Variants in PTK2B observed in about 807,000 individuals in gnomAD.
PTK2B encodes the protein protein tyrosine kinase 2 beta.
PTK2B carries 71 observed loss-of-function variants against 142.9 expected under a neutral mutation model. The ratio of observed to expected loss-of-function variants is 0.50; its 90% CI spans 0.41 to 0.61. The LOEUF (loss-of-function observed/expected upper bound fraction) is 0.61, where lower values mean the gene tolerates loss of function less well. Among genes scored for constraint, PTK2B ranks in the 20% least tolerant of loss-of-function variants. The pLI is 0.00. For synonymous variants in PTK2B, 519 were observed against 503.4 expected (o/e 1.03, Z -0.42); for missense variants, 1,105 against 1,320.4 (o/e 0.84, Z 2.53).
At chr8:27,390,083 A>G (rs1807621125) in intron 1 of PTK2B, among the ~76,000 whole-genome samples, 1 of 152,200 alleles carries the variant, frequency 6.6e-6, no homozygotes, top group Non-Finnish European at 1.5e-5. Flanking sequence ...GACTTCTGCT[A>G]GATCCAAAGG....
At chr8:27,445,195 C>T (rs1811389437) in intron 23 of PTK2B, among the ~76,000 whole-genome samples, 1 of 151,794 alleles carries the variant, frequency 6.6e-6, no homozygotes, top group African/African-American at 2.4e-5. Context: ...TATAGTGAGA[C>T]CCCATCTCTA....
intron 1 of PTK2B, among the ~76,000 whole-genome samples, chr8:27,381,559 A>G (rs773153606): frequency 3.3e-5 from 5 of 152,202 alleles, no homozygotes. Context: ...GTTGATGGGC[A>G]CTTCGGTTGA....
At chr8:27,311,835 G>A (rs553334732) in intron 1 of PTK2B, 1 of 152,350 alleles carries the variant, frequency 6.6e-6, no homozygotes, top group Admixed American at 6.5e-5. Context: ...ACAAGAGAGG[G>A]GTGGCGGCAG....
chr8:27,414,412 T>A (rs574454134), intron 2 of PTK2B, among the ~76,000 whole-genome samples: 1 of 152,130 alleles, frequency 6.6e-6, no homozygotes, highest in Admixed American at 6.5e-5. Context: ...ACCCGGCTAA[T>A]TTTTTTGTAT....
chr8:27,428,409 C>T (rs761940691), intron 5 of PTK2B, among the ~76,000 whole-genome samples: 1 of 152,226 alleles, frequency 6.6e-6, no homozygotes, highest in Non-Finnish European at 1.5e-5. Flanking sequence ...CAATACCGCA[C>T]ATCTGCCCTT....
At chr8:27,341,835 A>G (rs1171740174) in intron 1 of PTK2B, among the ~76,000 whole-genome samples, 1 of 151,908 alleles carries the variant, frequency 6.6e-6, no homozygotes, top group Non-Finnish European at 1.5e-5. Flanking sequence ...CATCACACTC[A>G]GCTAATTTTA....
At chr8:27,453,859 A>G (rs1879185) in intron 28 of PTK2B, among the ~76,000 whole-genome samples, 130,054 of 152,144 alleles carry the variant, frequency 0.85, 55,969 homozygotes, top group Middle Eastern at 0.94. Context: ...GGGCAACAGA[A>G]TGAGATCCTG....
intron 15 of PTK2B, among the ~76,000 whole-genome samples, chr8:27,436,745 G>A (rs1810803698): frequency 6.6e-6 from 1 of 152,160 alleles, no homozygotes; most frequent in Non-Finnish European, 1.5e-5. Flanking sequence ...AGGCCCAGGG[G>A]AAGAAAGAAA....
At position 27,425,494 on chromosome 8, in the gene PTK2B, A is replaced by G. The variant is rs925173014; in HGVS notation, c.551+3111A>G. ...TTTTAGATTCTCAGCAAAATTGAGC[A>G]GAAGGTACAGAGTTCCTATATACCC... On this transcript the variant is annotated intron_variant, in intron 5 of 30. Transcript: ENST00000346049. 5.9e-5 allele frequency among the ~76,000 whole-genome samples: 9 copies of G among 152,276 alleles called. No homozygotes were observed. The South Asian group carries it at 1.2e-3, about 21-fold the overall frequency.
At chr8:27,446,046 G>A in intron 24 of PTK2B, 127 bp downstream of exon 24, 1 of 1,378,638 alleles carries the variant, frequency 7.3e-7, no homozygotes, top group Non-Finnish European at 9.8e-7. Context: ...GCACCAGTCA[G>A]GCCACTGAGG....
chr8:27,332,344 T>C (rs958560449), intron 1 of PTK2B, among the ~76,000 whole-genome samples: 3 of 152,202 alleles, frequency 2.0e-5, no homozygotes, highest in Non-Finnish European at 4.4e-5. Flanking sequence ...TACTTGACTG[T>C]GTGAAAATCC....
chr8:27,317,109 A>C (rs900045945), intron 3 of PTK2B, among the ~76,000 whole-genome samples: 2 of 152,190 alleles, frequency 1.3e-5, no homozygotes, highest in Non-Finnish European at 2.9e-5. Flanking sequence ...GATATGAACC[A>C]ATGTCCAGAA....
At chr8:27,403,822 TTTC>T (rs1331771831) in intron 2 of PTK2B, among the ~76,000 whole-genome samples, 2 of 152,026 alleles carry the variant, frequency 1.3e-5, no homozygotes, top group Non-Finnish European at 2.9e-5. Context: ...TTCTGTCTTC[TTTC>T]TTTTTTCTTC....
intron 9 of PTK2B, among the ~76,000 whole-genome samples, chr8:27,431,803 G>A (rs1429623633): frequency 2.0e-5 from 3 of 152,188 alleles, no homozygotes; most frequent in Non-Finnish European, 4.4e-5. Context: ...GGGGACCTGG[G>A]TCCAGTCCTG....
At chr8:27,319,702 T>C (rs150908494) in intron 3 of PTK2B, among the ~76,000 whole-genome samples, 145 of 151,506 alleles carry the variant, frequency 9.6e-4, no homozygotes, top group African/African-American at 3.4e-3. Flanking sequence ...TGGTCAGTTA[T>C]GAGCTATAGC....
chr8:27,447,444 A>C (rs1312207657), intron 24 of PTK2B, among the ~76,000 whole-genome samples: 1 of 152,206 alleles, frequency 6.6e-6, no homozygotes, highest in African/African-American at 2.4e-5. Context: ...TTCCCAGAAA[A>C]ACAGTTTTTC....
At chr8:27,443,827 C>A (rs909133309) in intron 22 of PTK2B, among the ~76,000 whole-genome samples, 1 of 152,210 alleles carries the variant, frequency 6.6e-6, no homozygotes, top group Non-Finnish European at 1.5e-5. Flanking sequence ...GGGCCTGGCT[C>A]AGCGTTCATC....
At chr8:27,381,480 C>T (rs1807017356) in intron 1 of PTK2B, among the ~76,000 whole-genome samples, 1 of 152,342 alleles carries the variant, frequency 6.6e-6, no homozygotes, top group East Asian at 1.9e-4. Context: ...ATAACATCCT[C>T]CAGGCTCATC....
In PTK2B at chr8:27,434,082, T is replaced by C; in HGVS notation, c.1106-11T>C. 6.2e-7 allele frequency: 1 copy of C among 1,613,914 alleles called. No individual in the cohort carries two copies. Among genetic ancestry groups the C allele is most frequent in the Non-Finnish European group, 8.5e-7 (1 of 1,179,884 alleles). On this transcript the variant is annotated splice_polypyrimidine_tract_variant and intron_variant, in intron 11 of 30. Transcript: ENST00000346049. The stretch of plus-strand genomic sequence containing the variant: ...CCAGCTCCAACCTCCTCCTTCCTCC[T>C]CTCTTCCTAGATGGTGAGAAGCGGA...
Sources: allele counts gnomAD v4.1 joint callset (sites outside exome capture counted in the v4.1 genomes callset), GRCh38; gene constraint gnomAD v4.1.1; transcripts MANE v1.5; gene names NCBI Gene and HGNC (gene_info 2026-07-23, HGNC 2026-07-21).